INPP4B: variants seen among roughly 807,000 people sequenced by gnomAD.
INPP4B encodes the protein inositol polyphosphate 4-phosphatase type II.
Under a neutral mutation model 122.5 loss-of-function variants are expected in INPP4B, and 55 were observed. The ratio of observed to expected loss-of-function variants is 0.45; its 90% confidence interval spans 0.36 to 0.56. The LOEUF (loss-of-function observed/expected upper bound fraction) is 0.56, where lower values mean the gene tolerates loss of function less well. Ranked by LOEUF, INPP4B falls within the 20% of genes least tolerant of loss-of-function variation. The probability of loss-of-function intolerance (pLI) is 0.00; values close to 1 mark genes in which losing one functional copy is unlikely to be tolerated. For synonymous variants in INPP4B, 403 were observed against 388.7 expected, an observed-to-expected ratio of 1.04 and a Z score of -0.43; for missense variants, 1,000 against 1,097.7, an observed-to-expected ratio of 0.91 and a Z score of 1.26.
chr4:142,680,571 C>A (rs908099421), intron 2 of INPP4B, among the ~76,000 whole-genome samples: 1 of 151,886 alleles, frequency 6.6e-6, no homozygotes, highest in African/African-American at 2.4e-5. Flanking sequence ...AAACAGTTTT[C>A]AGCAAGTACA....
intron 2 of INPP4B, among the ~76,000 whole-genome samples, chr4:142,693,861 A>C (rs970762902): frequency 1.3e-5 from 2 of 152,202 alleles, no homozygotes; most frequent in African/African-American, 4.8e-5. Context: ...ATAATCAAGA[A>C]ATTGACAGTC....
chr4:142,828,256 G>T (rs1193457622), intron 1 of INPP4B, among the ~76,000 whole-genome samples: 1 of 152,102 alleles, frequency 6.6e-6, no homozygotes, highest in East Asian at 1.9e-4. Context: ...TATGAGAATA[G>T]ATATTAAGGC....
intron 2 of INPP4B, among the ~76,000 whole-genome samples, chr4:142,724,608 C>T (rs1265335428): frequency 6.6e-6 from 1 of 152,076 alleles, no homozygotes; most frequent in African/African-American, 2.4e-5. Context: ...ACTTCATTAA[C>T]CATTTAAGAA....
chr4:142,777,887 C>A (rs567674876), intron 1 of INPP4B, among the ~76,000 whole-genome samples: 1 of 152,092 alleles, frequency 6.6e-6, no homozygotes, highest in African/African-American at 2.4e-5. Context: ...AGCCTACCAG[C>A]AGGATTGGCT....
chr4:142,479,670 G>A (rs1009000012), intron 2 of INPP4B, among the ~76,000 whole-genome samples: 1 of 152,010 alleles, frequency 6.6e-6, no homozygotes. Context: ...GCAAATGAAC[G>A]GAGCTGAAAG....
At chr4:142,214,988 C>G (rs1011311142) in intron 12 of INPP4B, among the ~76,000 whole-genome samples, 2 of 152,188 alleles carry the variant, frequency 1.3e-5, no homozygotes, top group Non-Finnish European at 2.9e-5. Context: ...ACCAGATATG[C>G]CAGTTTACAC....
intron 1 of INPP4B, among the ~76,000 whole-genome samples, chr4:142,810,184 A>AAT (rs1432683570): frequency 6.6e-6 from 1 of 151,832 alleles, no homozygotes; most frequent in African/African-American, 2.4e-5. Context: ...AAAAAAAAAA[A>AAT]AATCAAATTG....
At chr4:142,486,894 A>G (rs1221615626) in intron 2 of INPP4B, among the ~76,000 whole-genome samples, 2 of 152,200 alleles carry the variant, frequency 1.3e-5, no homozygotes, top group African/African-American at 4.8e-5. Flanking sequence ...ACTGACCACT[A>G]TATACAGGTC....
chr4:142,713,927 A>G (rs1763426000), intron 2 of INPP4B, among the ~76,000 whole-genome samples: 2 of 152,226 alleles, frequency 1.3e-5, no homozygotes, highest in African/African-American at 4.8e-5. Context: ...AGCATTTTAC[A>G]GTGTGCTTCA....
At chr4:142,348,590 A>T (rs1781012098) in intron 7 of INPP4B, among the ~76,000 whole-genome samples, 1 of 151,982 alleles carries the variant, frequency 6.6e-6, no homozygotes, top group African/African-American at 2.4e-5. Flanking sequence ...GACAAGTGCA[A>T]ATCCAGCCTA....
intron 17 of INPP4B, among the ~76,000 whole-genome samples, chr4:142,150,565 A>G (rs336405): frequency 0.64 from 97,500 of 152,052 alleles, 36,654 homozygotes; most frequent in South Asian, 0.83. Flanking sequence ...AACTGGCTAT[A>G]AAATTTTCCT....
chr4:142,459,066 C>G (rs1314773378), intron 3 of INPP4B, among the ~76,000 whole-genome samples: 1 of 152,198 alleles, frequency 6.6e-6, no homozygotes, highest in Non-Finnish European at 1.5e-5. Flanking sequence ...AGCCTAAATT[C>G]ATTCCACCAG....
At chr4:142,787,860 G>T (rs887782809) in intron 1 of INPP4B, among the ~76,000 whole-genome samples, 1 of 151,994 alleles carries the variant, frequency 6.6e-6, no homozygotes, top group African/African-American at 2.4e-5. Flanking sequence ...AACATTCTGA[G>T]AGACTGGTGT....
chr4:142,152,541 A>C (rs1390273012), intron 17 of INPP4B, among the ~76,000 whole-genome samples: 1 of 152,144 alleles, frequency 6.6e-6, no homozygotes, highest in East Asian at 1.9e-4. Context: ...ATCTTTTCCG[A>C]CTGTCACATA....
At chr4:142,757,133 G>A (rs146941359) in intron 1 of INPP4B, among the ~76,000 whole-genome samples, 64 of 152,152 alleles carry the variant, frequency 4.2e-4, no homozygotes, top group African/African-American at 1.5e-3. Context: ...GCAGTTTTAT[G>A]TTCACAGCAG....
chr4:142,570,014 C>T (rs183009509), intron 2 of INPP4B, among the ~76,000 whole-genome samples: 3 of 152,134 alleles, frequency 2.0e-5, no homozygotes, highest in Admixed American at 2.0e-4. Flanking sequence ...TCAACAAGAA[C>T]CCCTCTTCCA....
At chr4:142,833,615 T>A (rs1782430738) in intron 1 of INPP4B, among the ~76,000 whole-genome samples, 1 of 152,008 alleles carries the variant, frequency 6.6e-6, no homozygotes, top group Non-Finnish European at 1.5e-5. Context: ...AAAAAAAGAC[T>A]CAGATAGAAT....
In INPP4B at chr4:142,569,421, GTCTGT is replaced by G. The variant is rs141641148; in HGVS notation, c.-190-106700_-190-106696del. On this transcript the variant is annotated intron_variant, in intron 2 of 25. Coordinates refer to ENST00000262992, the MANE Select transcript of INPP4B (RefSeq NM_001101669.3). ...CCATGTAGTGCTAAGCATGTGCCAAGTCTGTTCTAAGTGTTTCATAAATGTTAAAT... is the reference window on the plus strand; with the variant it reads ...CCATGTAGTGCTAAGCATGTGCCAAGTCTAAGTGTTTCATAAATGTTAAAT... 7.0e-3 allele frequency among the ~76,000 whole-genome samples: 1,062 copies of G among 151,990 alleles called. 10 individuals are homozygous for G. Among genetic ancestry groups the G allele is most frequent in the African/African-American group, 0.024 (1,001 of 41,452 alleles).
intron 11 of INPP4B, among the ~76,000 whole-genome samples, chr4:142,241,402 C>T (rs1022972388): frequency 6.6e-6 from 1 of 152,040 alleles, no homozygotes; most frequent in Non-Finnish European, 1.5e-5. Context: ...TGAGGTCCAC[C>T]CCTTGAGATC....
Sources: gnomAD v4.1 joint callset for allele counts (sites outside exome capture counted in the v4.1 genomes callset) on GRCh38, gnomAD v4.1.1 for gene constraint, MANE v1.5 for transcripts, NCBI Gene and HGNC (gene_info 2026-07-23, HGNC 2026-07-21) for gene names.